Variants in CNTNAP2 observed in about 807,000 individuals in gnomAD.
The protein encoded by CNTNAP2 is contactin-associated protein-like 2.
In CNTNAP2, 98 loss-of-function variants were observed where a neutral mutation model predicts 155.2. The observed-to-expected ratio is 0.63, with a 90% CI of 0.54 to 0.75. CNTNAP2 has a LOEUF of 0.75. Among genes scored for constraint, CNTNAP2 ranks in the 30% least tolerant of loss-of-function variants. The pLI, the probability that CNTNAP2 is intolerant of heterozygous loss-of-function variation, is 0.00. For missense variants in CNTNAP2, 1,727 were observed against 1,688.1 expected (o/e 1.02, Z -0.40); for synonymous variants, 651 against 631.2 (o/e 1.03, Z -0.47).
At chr7:147,189,946 G>T (rs564392458) in intron 8 of CNTNAP2, among the ~76,000 whole-genome samples, 1 of 151,988 alleles carries the variant, frequency 6.6e-6, no homozygotes, top group East Asian at 1.9e-4. Flanking sequence ...GGGTTTCACC[G>T]TGTTAGCCAG....
intron 9 of CNTNAP2, among the ~76,000 whole-genome samples, chr7:147,303,221 A>G (rs901912295): frequency 6.6e-6 from 1 of 152,230 alleles, no homozygotes; most frequent in African/African-American, 2.4e-5. Context: ...CACTACTGAT[A>G]TCTCCTTTCT....
At chr7:148,388,123 G>A (rs1049143230) in intron 22 of CNTNAP2, among the ~76,000 whole-genome samples, 2 of 152,172 alleles carry the variant, frequency 1.3e-5, no homozygotes, top group Non-Finnish European at 2.9e-5. Context: ...TCTGTCTGTG[G>A]TGTAGCTATT....
At chr7:148,404,142 T>C (rs1563075158) in intron 22 of CNTNAP2, among the ~76,000 whole-genome samples, 1 of 152,238 alleles carries the variant, frequency 6.6e-6, no homozygotes, top group African/African-American at 2.4e-5. Context: ...TTTACATACC[T>C]CTTAATCAAC....
chr7:146,507,753 A>T (rs1372762185), intron 1 of CNTNAP2, among the ~76,000 whole-genome samples: 3 of 152,194 alleles, frequency 2.0e-5, no homozygotes, highest in African/African-American at 7.2e-5. Context: ...CGCTATTTCT[A>T]AATCTGCAAG....
intron 12 of CNTNAP2, among the ~76,000 whole-genome samples, chr7:147,601,644 AATATAT>A (rs1160603745): frequency 0.035 from 3,051 of 87,410 alleles, 105 homozygotes; most frequent in African/African-American, 0.12. Context: ...CTTAAAAAAA[AATATAT>A]ATATATATAT....
At chr7:146,533,247 G>A (rs146253987) in intron 1 of CNTNAP2, among the ~76,000 whole-genome samples, 131 of 151,676 alleles carry the variant, frequency 8.6e-4, no homozygotes, top group African/African-American at 3.1e-3. Flanking sequence ...GGACTTTAAA[G>A]GTGGTCTATG....
intron 1 of CNTNAP2, among the ~76,000 whole-genome samples, chr7:146,221,053 C>G (rs73739568): frequency 0.03 from 4,585 of 152,224 alleles, 233 homozygotes; most frequent in African/African-American, 0.11. Flanking sequence ...TGCATTATAC[C>G]ACAGGTTGGT....
intron 1 of CNTNAP2, among the ~76,000 whole-genome samples, chr7:146,247,379 G>A (rs982882874): frequency 6.6e-6 from 1 of 152,178 alleles, no homozygotes; most frequent in African/African-American, 2.4e-5. Flanking sequence ...GTGATAAAAG[G>A]ATTATAGGGT....
chr7:147,440,029 C>G (rs1323352153), intron 10 of CNTNAP2, among the ~76,000 whole-genome samples: 4 of 151,858 alleles, frequency 2.6e-5, no homozygotes, highest in Non-Finnish European at 4.4e-5. Context: ...TCAGCCACTT[C>G]TTTTCATTGG....
At chr7:146,475,916 C>A (rs1374777930) in intron 1 of CNTNAP2, among the ~76,000 whole-genome samples, 1 of 151,956 alleles carries the variant, frequency 6.6e-6, no homozygotes, top group Non-Finnish European at 1.5e-5. Context: ...TAGTTTTCAA[C>A]TAAATTTATG....
chr7:146,433,089 T>C (rs1796194372), intron 1 of CNTNAP2, among the ~76,000 whole-genome samples: 1 of 152,152 alleles, frequency 6.6e-6, no homozygotes, highest in Non-Finnish European at 1.5e-5. Context: ...AAACCGTCAG[T>C]ACTCTATTGT....
At chr7:148,173,476 G>A (rs1186155235) in intron 18 of CNTNAP2, among the ~76,000 whole-genome samples, 1 of 152,204 alleles carries the variant, frequency 6.6e-6, no homozygotes, top group African/African-American at 2.4e-5. Context: ...ATTCACACAA[G>A]ATGCCACACA....
chr7:146,746,731 A>G (rs530659605), intron 1 of CNTNAP2, among the ~76,000 whole-genome samples: 42 of 152,274 alleles, frequency 2.8e-4, no homozygotes, highest in African/African-American at 1.0e-3. Flanking sequence ...TTCCATCCTG[A>G]TTATGCCTAC....
At chr7:146,421,311 G>A (rs759079856) in intron 1 of CNTNAP2, among the ~76,000 whole-genome samples, 50 of 152,078 alleles carry the variant, frequency 3.3e-4, no homozygotes, top group Admixed American at 1.0e-3. Context: ...TTATTTAAAT[G>A]CATACAGAAA....
intron 1 of CNTNAP2, among the ~76,000 whole-genome samples, chr7:146,753,618 G>A (rs1319021764): frequency 2.6e-5 from 4 of 151,904 alleles, no homozygotes; most frequent in African/African-American, 9.7e-5. Flanking sequence ...CGTTACCAAA[G>A]CAATACAAAT....
intron 18 of CNTNAP2, among the ~76,000 whole-genome samples, chr7:148,207,163 A>G (rs933929185): frequency 4.6e-5 from 7 of 152,268 alleles, no homozygotes; most frequent in African/African-American, 1.7e-4. Context: ...ACAAGGTTAT[A>G]CTTGTTGGAA....
chr7:146,637,953 A>G (rs1280489475), intron 1 of CNTNAP2, among the ~76,000 whole-genome samples: 1 of 152,214 alleles, frequency 6.6e-6, no homozygotes, highest in Non-Finnish European at 1.5e-5. Context: ...TAACATCCAT[A>G]TATATTGTCC....
chr7:146,721,458 A>T lies in CNTNAP2; in HGVS notation c.98-52813A>T, dbSNP rs1308381041. Among the ~76,000 whole-genome samples the T allele has an allele frequency of 3.4e-5, 4 of 117,642 alleles. No individual in the cohort carries two copies. In the East Asian group the frequency reaches 7.0e-4, roughly 21 times the overall value. The allele number at this position is 117,642 out of a possible 152,430, so 77.2% of individuals were successfully genotyped here. ...TATTCTATATATACATTCTATATAC[A>T]TTTTATATACATTCTATATATATTC... On this transcript the variant is annotated intron_variant, in intron 1 of 23. Coordinates refer to ENST00000361727, the MANE Select transcript of CNTNAP2 (RefSeq NM_014141.6).
intron 15 of CNTNAP2, among the ~76,000 whole-genome samples, chr7:148,041,058 G>A (rs1355300114): frequency 3.3e-5 from 5 of 152,198 alleles, no homozygotes; most frequent in Non-Finnish European, 7.3e-5. Context: ...CAAAGCTTCT[G>A]TGAAAGCATA....
Sources: allele counts gnomAD v4.1 joint callset (sites outside exome capture counted in the v4.1 genomes callset), GRCh38; gene constraint gnomAD v4.1.1; transcripts MANE v1.5; gene names NCBI Gene and HGNC (gene_info 2026-07-23, HGNC 2026-07-21).